IRAK4: variants seen among roughly 807,000 people sequenced by gnomAD.
IRAK4 encodes interleukin-1 receptor-associated kinase 4.
A neutral mutation model predicts 51.8 loss-of-function variants in IRAK4; 44 were observed. That is an observed-to-expected ratio of 0.85 (90% CI 0.67 to 1.09). The LOEUF (loss-of-function observed/expected upper bound fraction) is 1.09, where lower values mean the gene tolerates loss of function less well. Among genes scored for constraint, IRAK4 ranks in the 50% least tolerant of loss-of-function variants. IRAK4 has a pLI of 0.00. For missense variants in IRAK4, 487 were observed against 538.0 expected, an observed-to-expected ratio of 0.91 and a Z score of 0.94; for synonymous variants, 149 against 174.1, an observed-to-expected ratio of 0.86 and a Z score of 1.13.
chr12:43,778,464 T>G (rs1449041525), intron 8 of IRAK4, among the ~76,000 whole-genome samples, 162 bp downstream of exon 8: 1 of 152,204 alleles, frequency 6.6e-6, no homozygotes, highest in East Asian at 1.9e-4. Flanking sequence ...TAATCTCCTT[T>G]ATTCCAAGCC....
chr12:43,765,492 T>A (rs1485551440), intron 1 of IRAK4, among the ~76,000 whole-genome samples: 2 of 152,194 alleles, frequency 1.3e-5, no homozygotes, highest in Non-Finnish European at 2.9e-5. Context: ...TGTTTGTTCT[T>A]GCTTTAGTTT....
intron 1 of IRAK4, among the ~76,000 whole-genome samples, chr12:43,767,522 G>C (rs1940285525): frequency 6.6e-6 from 1 of 152,168 alleles, no homozygotes; most frequent in Non-Finnish European, 1.5e-5. Flanking sequence ...ATGAATTGTG[G>C]TCAGGCAGAT....
chr12:43,777,236 T>A (rs1454677405), intron 6 of IRAK4, among the ~76,000 whole-genome samples: 1 of 151,972 alleles, frequency 6.6e-6, no homozygotes, highest in Admixed American at 6.6e-5. Context: ...ACAAAAAAAT[T>A]TAAAAAGTAG....
intron 9 of IRAK4, among the ~76,000 whole-genome samples, chr12:43,783,333 A>G (rs1592259235): frequency 6.6e-6 from 1 of 152,042 alleles, no homozygotes; most frequent in East Asian, 1.9e-4. Context: ...TATATTTTTT[A>G]GAGAGACAAG....
In IRAK4 at chr12:43,788,563, G is replaced by T. The variant is rs1467627359; in HGVS notation, c.*1848G>T. 2 of 142,320 alleles carry T rather than the reference G, an allele frequency of 1.4e-5. No homozygotes were observed. Among genetic ancestry groups the T allele is most frequent in the Admixed American group, 7.1e-5 (1 of 14,016 alleles). 8.8% of individuals were successfully genotyped at this position (142,320 alleles called of 1,614,324 possible). ...GCTTTTTTTTTTTTTTTTTTGAGAC[G>T]GAGTCTTGCTCTGTTGCCCAGGCTG... On this transcript the variant is annotated 3_prime_UTR_variant, in exon 12 of 12. Coordinates refer to ENST00000613694, the MANE Select transcript of IRAK4 (RefSeq NM_016123.4).
chr12:43,780,259 A>G (rs771528882), intron 8 of IRAK4, among the ~76,000 whole-genome samples: 1 of 152,212 alleles, frequency 6.6e-6, no homozygotes, highest in Non-Finnish European at 1.5e-5. Context: ...ATAGGAGTAT[A>G]GACAAGTCTT....
Position 43,777,618 on chromosome 12 carries a change from T to C in IRAK4, c.717-12T>C. 1 of 1,594,012 alleles carries C rather than the reference T, an allele frequency of 6.3e-7. No homozygotes were observed. The highest frequency in any genetic ancestry group is 8.6e-7 in the Non-Finnish European group (1 of 1,169,420). ...ATTATAATAATTTTGCATGAAAAAT[T>C]ATTTGTCACAGGTGTCAACATGAAA... On this transcript the variant is annotated splice_polypyrimidine_tract_variant and intron_variant, in intron 6 of 11. Coordinates refer to ENST00000613694, the MANE Select transcript of IRAK4 (RefSeq NM_016123.4).
At chr12:43,771,084 G>C (rs1157969322) in intron 2 of IRAK4, 136 bp from the exon 3 acceptor site, 5 of 802,856 alleles carry the variant, frequency 6.2e-6, no homozygotes, top group Non-Finnish European at 8.4e-6. Context: ...CTCGATCTTG[G>C]ACTTCCCAGC....
At chr12:43,786,084 G>C (rs1352075508) in intron 10 of IRAK4, among the ~76,000 whole-genome samples, 1 of 150,586 alleles carries the variant, frequency 6.6e-6, no homozygotes, top group Non-Finnish European at 1.5e-5. Flanking sequence ...TGTCACCTAG[G>C]CTGGAGTGGC....
intron 6 of IRAK4, among the ~76,000 whole-genome samples, chr12:43,776,026 C>A (rs775428621): frequency 1.3e-5 from 2 of 151,710 alleles, no homozygotes; most frequent in African/African-American, 4.8e-5. Context: ...GGACTACAGG[C>A]GACCGTCACC....
rs192771962 is a variant in IRAK4 at position 43,778,778 on chromosome 12, A to C, written c.941+476A>C. Among the ~76,000 whole-genome samples, 57 of 151,856 alleles carry C rather than the reference A, an allele frequency of 3.8e-4. No individual in the cohort carries two copies. In the East Asian group the frequency reaches 9.9e-3, roughly 26 times the overall value. On this transcript the variant is annotated intron_variant, in intron 8 of 11. Coordinates refer to ENST00000613694, the MANE Select transcript of IRAK4 (RefSeq NM_016123.4). ...GTTAATATGTACAGTTCACATATAT[A>C]TTATATGTATTATTATTATATAGTA...
At chr12:43,786,259 C>T in intron 10 of IRAK4, 140 bp from the exon 11 acceptor site, 1 of 526,578 alleles carries the variant, frequency 1.9e-6, no homozygotes, top group Non-Finnish European at 2.8e-6. Flanking sequence ...GTCTTCAATT[C>T]TTAATAAGGT....
At chr12:43,771,771 G>A (rs1435904826) in intron 3 of IRAK4, among the ~76,000 whole-genome samples, 1 of 152,034 alleles carries the variant, frequency 6.6e-6, no homozygotes, top group African/African-American at 2.4e-5. Context: ...TTCCTTATAA[G>A]CTTTCTTTTT....
chr12:43,771,952 A>G (rs1592230371), intron 3 of IRAK4, among the ~76,000 whole-genome samples: 1 of 152,192 alleles, frequency 6.6e-6, no homozygotes, highest in Non-Finnish European at 1.5e-5. Flanking sequence ...AGTGCCTCTG[A>G]TATAGGTGGC....
intron 1 of IRAK4, chr12:43,759,269 C>T (rs985256619): frequency 6.6e-6 from 1 of 152,394 alleles, no homozygotes; most frequent in East Asian, 1.9e-4. Context: ...GGACGTCACC[C>T]AGCTGTTCTG....
intron 1 of IRAK4, among the ~76,000 whole-genome samples, chr12:43,760,657 A>G (rs1482234393): frequency 6.6e-6 from 1 of 152,200 alleles, no homozygotes; most frequent in African/African-American, 2.4e-5. Flanking sequence ...TCCCACAGAT[A>G]GTCCAGTGGC....
intron 1 of IRAK4, among the ~76,000 whole-genome samples, chr12:43,765,306 T>C (rs1565662256): frequency 6.6e-6 from 1 of 152,204 alleles, no homozygotes; most frequent in Non-Finnish European, 1.5e-5. Context: ...AGATGAATGT[T>C]TTCCTCGAAA....
intron 10 of IRAK4, among the ~76,000 whole-genome samples, chr12:43,784,858 C>T (rs570902139): frequency 6.6e-5 from 10 of 152,272 alleles, no homozygotes; most frequent in Admixed American, 5.2e-4. Flanking sequence ...ACCGTTATGT[C>T]ACTAGATTCT....
chr12:43,776,761 AC>A (rs1941312730), intron 6 of IRAK4, among the ~76,000 whole-genome samples: 1 of 152,228 alleles, frequency 6.6e-6, no homozygotes, highest in Admixed American at 6.5e-5. Context: ...CTTTCGTCTT[AC>A]CACAGATGCT....
Sources: allele counts gnomAD v4.1 joint callset (sites outside exome capture counted in the v4.1 genomes callset), GRCh38; gene constraint gnomAD v4.1.1; transcripts MANE v1.5; gene names NCBI Gene and HGNC (gene_info 2026-07-23, HGNC 2026-07-21).